The following RAB38 variants were observed in gnomAD, a reference collection of about 807,000 sequenced individuals.
The protein encoded by RAB38 is RAB38, member RAS oncogene family.
RAB38 carries 15 observed loss-of-function variants against 18.4 expected under a neutral mutation model. The ratio of observed to expected loss-of-function variants is 0.82; its 90% CI spans 0.55 to 1.26. RAB38 has a LOEUF of 1.26. Ranked by LOEUF, RAB38 falls within the 50% of genes most tolerant of loss-of-function variation. The probability of loss-of-function intolerance (pLI) is 0.00; values close to 1 mark genes in which losing one functional copy is unlikely to be tolerated. For synonymous variants in RAB38, 101 were observed against 104.4 expected, an observed-to-expected ratio of 0.97 and a Z score of 0.20; for missense variants, 294 against 267.4, an observed-to-expected ratio of 1.10 and a Z score of -0.69.
At chr11:87,938,530 C>T in the RAB38 span, among the ~76,000 whole-genome samples, 19 of 151,156 alleles carry the variant, frequency 1.3e-4, no homozygotes, top group Admixed American at 5.9e-4. Flanking sequence ...GGAGAGGACA[C>T]GGTTCTTTTC....
chr11:87,887,064 T>C, the RAB38 span, among the ~76,000 whole-genome samples: 61 of 152,086 alleles, frequency 4.0e-4, no homozygotes, highest in East Asian at 0.011. Context: ...GGGGCCTTTG[T>C]GCTAGGTGGT....
At chr11:88,139,553 A>G (rs1420632191) in intron 2 of RAB38, among the ~76,000 whole-genome samples, 1 of 152,238 alleles carries the variant, frequency 6.6e-6, no homozygotes, top group Non-Finnish European at 1.5e-5. Flanking sequence ...AGTGCTTAGC[A>G]AAGTGCCTAC....
At chr11:87,880,284 C>T in the RAB38 span, among the ~76,000 whole-genome samples, 1 of 151,728 alleles carries the variant, frequency 6.6e-6, no homozygotes, top group Admixed American at 6.6e-5. Flanking sequence ...CTCAGTGAGA[C>T]TGCAAATGGA....
chr11:87,834,597 G>C, the RAB38 span, among the ~76,000 whole-genome samples: 1 of 152,178 alleles, frequency 6.6e-6, no homozygotes. Flanking sequence ...TCATTATTTA[G>C]TCAACAGAAT....
At chr11:88,166,527 C>T (rs1041994596) in intron 1 of RAB38, 1 of 152,088 alleles carries the variant, frequency 6.6e-6, no homozygotes, top group Non-Finnish European at 1.5e-5. Flanking sequence ...CTTGCTCATC[C>T]ATAAAATGAC....
chr11:88,159,643 G>A (rs1591176295), intron 1 of RAB38, among the ~76,000 whole-genome samples: 1 of 152,148 alleles, frequency 6.6e-6, no homozygotes, highest in Non-Finnish European at 1.5e-5. Context: ...ATAGACCAAT[G>A]AAACAGAACA....
chr11:88,109,649 T>C (rs1381382061), downstream of RAB38, among the ~76,000 whole-genome samples: 1 of 152,148 alleles, frequency 6.6e-6, no homozygotes, highest in Non-Finnish European at 1.5e-5. Context: ...ATTCAGAATC[T>C]ACAAACAACT....
chr11:88,006,166 TAA>T, the RAB38 span, among the ~76,000 whole-genome samples: 28 of 149,026 alleles, frequency 1.9e-4, no homozygotes, highest in South Asian at 6.3e-4. Flanking sequence ...CCAACAGAAA[TAA>T]AAAAAAAAAT....
At chr11:88,136,818 A>G (rs546352705) in intron 2 of RAB38, among the ~76,000 whole-genome samples, 22 of 152,220 alleles carry the variant, frequency 1.4e-4, no homozygotes, top group Admixed American at 7.2e-4. Context: ...GAAATCAGGG[A>G]GACTGGTTGA....
At chr11:88,088,969 T>C in the RAB38 span, among the ~76,000 whole-genome samples, 1 of 149,454 alleles carries the variant, frequency 6.7e-6, no homozygotes, top group African/African-American at 2.5e-5. Flanking sequence ...AGCTAAAGGA[T>C]AGACACATCA....
chr11:87,843,520 C>T, the RAB38 span, among the ~76,000 whole-genome samples: 2 of 152,120 alleles, frequency 1.3e-5, no homozygotes, highest in Non-Finnish European at 2.9e-5. Flanking sequence ...ACCTTAAGTG[C>T]TTCTAATTGA....
At chr11:87,909,745 A>G in the RAB38 span, among the ~76,000 whole-genome samples, 5 of 151,850 alleles carry the variant, frequency 3.3e-5, no homozygotes. Context: ...ATGCATCCTT[A>G]TTGTTGGGTG....
At chr11:88,033,697 C>G in the RAB38 span, among the ~76,000 whole-genome samples, 2 of 148,168 alleles carry the variant, frequency 1.3e-5, no homozygotes, top group African/African-American at 2.5e-5. Context: ...AAGAACATTT[C>G]TCTCACCTCA....
At chr11:88,029,439 T>C in the RAB38 span, among the ~76,000 whole-genome samples, 1 of 152,014 alleles carries the variant, frequency 6.6e-6, no homozygotes, top group African/African-American at 2.4e-5. Flanking sequence ...ACTGGCAAAT[T>C]GGATAAAGAG....
At chr11:87,970,244 A>T in the RAB38 span, among the ~76,000 whole-genome samples, 3 of 152,114 alleles carry the variant, frequency 2.0e-5, no homozygotes, top group Non-Finnish European at 2.9e-5. Context: ...ATTAAAATGC[A>T]AAATAAATCC....
the RAB38 span, among the ~76,000 whole-genome samples, chr11:88,096,743 A>G: frequency 1.3e-5 from 2 of 151,910 alleles, no homozygotes; most frequent in Admixed American, 1.3e-4. Context: ...AATGTTCTGT[A>G]TGTAGAAAAT....
chr11:87,913,067 T>A, the RAB38 span, among the ~76,000 whole-genome samples: 11 of 152,022 alleles, frequency 7.2e-5, no homozygotes, highest in Non-Finnish European at 1.3e-4. Flanking sequence ...TCCAGCTATC[T>A]TTCTATTACT....
At chr11:88,084,484 G>A in the RAB38 span, among the ~76,000 whole-genome samples, 10 of 151,734 alleles carry the variant, frequency 6.6e-5, no homozygotes, top group Non-Finnish European at 1.3e-4. Context: ...CCTGGTGAAG[G>A]ATTCAGAGAT....
At chr11:88,043,604 C>CA in the RAB38 span, among the ~76,000 whole-genome samples, 1 of 126,656 alleles carries the variant, frequency 7.9e-6, no homozygotes, top group Non-Finnish European at 1.7e-5. Context: ...ACCTTGTGAC[C>CA]CCCCCACCCT....
Sources: allele counts gnomAD v4.1 joint callset (sites outside exome capture counted in the v4.1 genomes callset), GRCh38; gene constraint gnomAD v4.1.1; transcripts MANE v1.5; gene names NCBI Gene and HGNC (gene_info 2026-07-23, HGNC 2026-07-21).